Variants in TRPM1 observed in about 807,000 individuals in gnomAD.
TRPM1 encodes the protein transient receptor potential cation channel subfamily M member 1.
Under a neutral mutation model 149.4 loss-of-function variants are expected in TRPM1, and 113 were observed. The observed-to-expected ratio is 0.76, with a 90% CI of 0.65 to 0.88. TRPM1 has a LOEUF of 0.88. Among genes scored for constraint, TRPM1 ranks in the 40% least tolerant of loss-of-function variants. The pLI is 0.00. For synonymous variants in TRPM1, 741 were observed against 759.5 expected, an observed-to-expected ratio of 0.98 and a Z score of 0.40; for missense variants, 1,976 against 2,038.7, an observed-to-expected ratio of 0.97 and a Z score of 0.59.
intron 1 of TRPM1, among the ~76,000 whole-genome samples, chr15:31,087,380 T>A (rs1215959373): frequency 6.6e-6 from 1 of 151,436 alleles, no homozygotes; most frequent in Non-Finnish European, 1.5e-5. Flanking sequence ...TGTAGTCCTG[T>A]AGCTAGGACT....
chr15:31,027,934 A>G (rs1192370145), intron 25 of TRPM1, among the ~76,000 whole-genome samples: 3 of 152,234 alleles, frequency 2.0e-5, no homozygotes, highest in African/African-American at 7.2e-5. Context: ...TGATCAGAAA[A>G]AAATGCTTTA....
At chr15:31,125,754 AAATT>A (rs1160619087) in intron 1 of TRPM1, among the ~76,000 whole-genome samples, 16,458 of 133,350 alleles carry the variant, frequency 0.12, 1,753 homozygotes, top group Non-Finnish European at 0.16. Context: ...AAAAAAAAAA[AAATT>A]ATTAAAAAAT....
chr15:31,140,212 C>CAAA (rs34651089), intron 1 of TRPM1, among the ~76,000 whole-genome samples: 10,221 of 102,982 alleles, frequency 0.099, 408 homozygotes, highest in Non-Finnish European at 0.11. Context: ...ACTAAAAATA[C>CAAA]AAAAAAAAAA....
chr15:31,151,179 C>T (rs182014805), intron 1 of TRPM1, among the ~76,000 whole-genome samples: 87 of 152,258 alleles, frequency 5.7e-4, no homozygotes, highest in Non-Finnish European at 9.1e-4. Context: ...CAAAAAACTC[C>T]AGGCGATACC....
At chr15:31,092,230 G>A (rs2035259125) in intron 1 of TRPM1, among the ~76,000 whole-genome samples, 1 of 152,166 alleles carries the variant, frequency 6.6e-6, no homozygotes, top group Admixed American at 6.5e-5. Context: ...GCAGAGTGCA[G>A]GGTCTCATTT....
intron 27 of TRPM1, among the ~76,000 whole-genome samples, chr15:31,012,483 T>A (rs1170354260): frequency 6.6e-6 from 1 of 152,220 alleles, no homozygotes; most frequent in Non-Finnish European, 1.5e-5. Context: ...TCAGCTTTTT[T>A]AATCTAATTA....
intron 27 of TRPM1, among the ~76,000 whole-genome samples, chr15:31,013,267 T>C (rs2140880034): frequency 6.6e-6 from 1 of 152,256 alleles, no homozygotes; most frequent in African/African-American, 2.4e-5. Context: ...CTCCTTGGTC[T>C]CCCAAAGCTC....
chr15:31,130,890 G>A (rs1439553709), intron 1 of TRPM1, among the ~76,000 whole-genome samples: 3 of 152,076 alleles, frequency 2.0e-5, no homozygotes, highest in African/African-American at 7.2e-5. Context: ...CCCATCTCCC[G>A]TACGGCCAGC....
chr15:31,097,148 A>G lies in TRPM1; in HGVS notation c.-84+4509T>C, dbSNP rs902652911. On this transcript the variant is annotated intron_variant, in intron 1 of 27. Coordinates refer to ENST00000256552, the MANE Select transcript of TRPM1 (RefSeq NM_001252024.2). ...GGTCTTTTCTGAGTGTTTTCTGCTT[A>G]TCTAGACAAGGTGTGTGTGGTTGAT... Among the ~76,000 whole-genome samples, 5 of 152,326 alleles carry G rather than the reference A, an allele frequency of 3.3e-5. No individual in the cohort carries two copies. The South Asian group carries it at 8.3e-4, about 25-fold the overall frequency.
Position 31,076,939 on chromosome 15 carries a change from T to A in TRPM1, c.49A>T (p.Ile17Phe). ...TCTTTCATGCTAGGAATTACAAAGA[T>A]ACATTCCCGTTTGCAAAAGGTTTTC... is the stretch of plus-strand genomic sequence containing the variant. ...IEKTFCKREC[I>F]FVIPSMKDSN... Residue 17 changes from isoleucine to phenylalanine, a missense_variant, in exon 3 of 28, where the codon ATC becomes TTC. By Grantham distance (21) the Ile-to-Phe change is conservative. Around this residue, in one of 3 missense-constraint regions of TRPM1, gnomAD observed 1,332 missense variants for 1,347.1 expected, o/e 0.99. Transcript: ENST00000256552. The A allele has an allele frequency of 3.1e-6, 5 of 1,612,664 alleles. No individual in the cohort carries two copies. Among genetic ancestry groups the A allele is most frequent in the Non-Finnish European group, 4.2e-6 (5 of 1,178,658 alleles).
At chr15:31,073,653 A>G (rs551683479) in intron 3 of TRPM1, among the ~76,000 whole-genome samples, 14 of 152,196 alleles carry the variant, frequency 9.2e-5, no homozygotes, top group African/African-American at 3.4e-4. Flanking sequence ...CTGCAAATAG[A>G]GAGTTTTACT....
chr15:31,106,199 T>C (rs544619507), upstream of TRPM1, among the ~76,000 whole-genome samples: 5 of 151,454 alleles, frequency 3.3e-5, no homozygotes, highest in South Asian at 1.0e-3. Flanking sequence ...AGTGCAGTGG[T>C]GCAATCTCAG....
intron 5 of TRPM1, among the ~76,000 whole-genome samples, chr15:31,067,451 A>G (rs915622264): frequency 6.6e-6 from 1 of 152,174 alleles, no homozygotes; most frequent in Non-Finnish European, 1.5e-5. Flanking sequence ...TCTAAGGCCT[A>G]AAGCTGGAAA....
intron 1 of TRPM1, among the ~76,000 whole-genome samples, chr15:31,144,213 G>T (rs187735371): frequency 6.6e-6 from 1 of 152,178 alleles, no homozygotes; most frequent in African/African-American, 2.4e-5. Context: ...GCCGAGATGA[G>T]CCAATCACTT....
intron 1 of TRPM1, among the ~76,000 whole-genome samples, chr15:31,120,784 C>A (rs1270158233): frequency 6.7e-6 from 1 of 148,668 alleles, no homozygotes; most frequent in African/African-American, 2.5e-5. Flanking sequence ...GGAGAGTAAA[C>A]AATACCCTTC....
intron 27 of TRPM1, among the ~76,000 whole-genome samples, chr15:31,018,138 G>A (rs1276175898): frequency 3.3e-5 from 5 of 152,050 alleles, no homozygotes; most frequent in South Asian, 4.1e-4. Flanking sequence ...TGCAACCTCT[G>A]CCTCTCGAGT....
At chr15:31,107,903 G>A (rs571992050) in intron 1 of TRPM1, among the ~76,000 whole-genome samples, 2 of 151,428 alleles carry the variant, frequency 1.3e-5, no homozygotes, top group African/African-American at 4.9e-5. Context: ...TGTTGCCCAG[G>A]CTGGAGTGCA....
intron 1 of TRPM1, among the ~76,000 whole-genome samples, chr15:31,113,285 C>T (rs1567062221): frequency 6.6e-6 from 1 of 152,200 alleles, no homozygotes; most frequent in Non-Finnish European, 1.5e-5. Flanking sequence ...CTGCCTGCTC[C>T]TCCCTAACTC....
intron 1 of TRPM1, among the ~76,000 whole-genome samples, chr15:31,118,297 T>G (rs1159018897): frequency 1.3e-5 from 2 of 151,704 alleles, no homozygotes; most frequent in African/African-American, 4.8e-5. Context: ...AAAAGCTGTA[T>G]CGTACATGTA....
Sources: allele counts gnomAD v4.1 joint callset (sites outside exome capture counted in the v4.1 genomes callset), GRCh38; gene constraint gnomAD v4.1.1; regional missense constraint gnomAD v4.1.1; transcripts MANE v1.5; gene names NCBI Gene and HGNC (gene_info 2026-07-23, HGNC 2026-07-21).